Variants in ANKK1 observed in about 807,000 individuals in gnomAD.
The protein encoded by ANKK1 is ankyrin repeat and kinase domain containing 1.
A neutral mutation model predicts 37.6 loss-of-function variants in ANKK1; 37 were observed. The observed-to-expected ratio is 0.98, with a 90% CI of 0.76 to 1.29. ANKK1 has a LOEUF of 1.29. Among genes scored for constraint, ANKK1 ranks in the 50% most tolerant of loss-of-function variants. ANKK1 has a pLI of 0.00. For synonymous variants in ANKK1, 415 were observed against 418.7 expected, an observed-to-expected ratio of 0.99 and a Z score of 0.11; for missense variants, 1,019 against 990.6, an observed-to-expected ratio of 1.03 and a Z score of -0.39.
At chr11:113,396,673 G>A (rs564717313) in intron 5 of ANKK1, among the ~76,000 whole-genome samples, 11 of 152,222 alleles carry the variant, frequency 7.2e-5, no homozygotes, top group South Asian at 2.1e-4. Context: ...TCTGCATCAC[G>A]GGGCTGGGAA....
intron 1 of ANKK1, 54 bp from the exon 2 acceptor site, chr11:113,393,427 G>C: frequency 6.5e-7 from 1 of 1,540,910 alleles, no homozygotes; most frequent in Non-Finnish European, 8.8e-7. Context: ...TCAGCTGGTT[G>C]CTGTAGTAAT....
chr11:113,396,788 G>T (rs1283526571), intron 5 of ANKK1, among the ~76,000 whole-genome samples: 2 of 152,124 alleles, frequency 1.3e-5, no homozygotes, highest in African/African-American at 4.8e-5. Flanking sequence ...GTGCCAAAAG[G>T]CAGAAGCCAC....
chr11:113,395,002 G>A lies in ANKK1; in HGVS notation c.554G>A (p.Arg185Gln), dbSNP rs115800217. Reference protein sequence around the residue: ...RMQYIERSALRGMLSYIPPEM... With the variant: ...RMQYIERSALQGMLSYIPPEM... ...CAGTACATCGAGAGGTCGGCTCTGC[G>A]GGGCATGCTCAGCTACATCCCCCCT... Residue 185 changes from arginine (R) to glutamine (Q), a missense_variant, in exon 3 of 8, where the codon CGG (arginine) becomes CAG (glutamine). Arg to Gln is a conservative substitution (Grantham distance 43, BLOSUM62 1). Coordinates refer to ENST00000303941, the MANE Select transcript of ANKK1 (RefSeq NM_178510.2). The A allele has an allele frequency of 5.4e-3, 8,769 of 1,613,388 alleles. 431 individuals carry two copies. The African/African-American group carries it at 0.1, about 19-fold the overall frequency.
chr11:113,400,032 G>A lies in ANKK1; in HGVS notation c.2063G>A (p.Arg688His), dbSNP rs377621768. The A allele has an allele frequency of 1.8e-5, 29 of 1,613,164 alleles. No individual in the cohort carries two copies. Among genetic ancestry groups the A allele is most frequent in the East Asian group, 6.7e-5 (3 of 44,870 alleles). Residue 688 changes from arginine to histidine, a missense_variant, in exon 8 of 8, where the codon CGC (arginine) becomes CAC (histidine). Arg to His is a conservative substitution (Grantham distance 29, BLOSUM62 0). Transcript: ENST00000303941. ...LLEHHANVHA[R>H]NKVGWTPAHL... ...GAACATCACGCAAATGTCCACGCCCGCAACAAGGTGGGCTGGACACCCGCC... is the reference window on the plus strand; with the variant it reads ...GAACATCACGCAAATGTCCACGCCCACAACAAGGTGGGCTGGACACCCGCC...
Position 113,398,027 on chromosome 11 carries a change from G to T in ANKK1, c.994+11G>T, listed in dbSNP as rs1441663671. ...AACTGATGGACAGTGGTGAGTCTGG[G>T]TGCCACGGGCGGGACCAGAGAACTC... On this transcript the variant is annotated intron_variant, in intron 7 of 7. Coordinates refer to ENST00000303941, the MANE Select transcript of ANKK1 (RefSeq NM_178510.2). 6.4e-7 allele frequency: 1 copy of T among 1,565,072 alleles called. No homozygotes were observed. The highest frequency in any genetic ancestry group is 8.7e-7 in the Non-Finnish European group (1 of 1,154,512).
rs1950635719 is a variant in ANKK1, at chr11:113,396,088, T to C, written c.704T>C (p.Ile235Thr). 2 of 1,613,918 alleles carry C rather than the reference T, an allele frequency of 1.2e-6. No individual in the cohort carries two copies. The highest frequency in any genetic ancestry group is 1.7e-5 in the Admixed American group (1 of 60,006). ...GCAGGGTTCAACATGATGATGATTA[T>C]TATCCGAGTGGCGGCAGGCATGCGG... ...PYSGFNMMMI[I>T]IRVAAGMRPS... The change falls in exon 5 of 8, where the codon ATT becomes ACT. Residue 235 changes from isoleucine (I) to threonine (T), a missense_variant. Transcript: ENST00000303941.
In ANKK1 at chr11:113,395,259, G is replaced by A. The variant is rs1407872315; in HGVS notation, c.633-100G>A. The A allele has an allele frequency of 4.6e-6, 7 of 1,531,934 alleles. No homozygotes were observed. In the African/African-American group the frequency reaches 5.5e-5, roughly 12 times the overall value. The allele number at this position is 1,531,934 out of a possible 1,614,324, so 94.9% of individuals were successfully genotyped here. A position where few individuals can be genotyped will look rare whatever the true frequency, so the allele number is the denominator to read the frequency against. On this transcript the variant is annotated intron_variant, in intron 3 of 7. Coordinates refer to ENST00000303941, the MANE Select transcript of ANKK1 (RefSeq NM_178510.2). ...GTACTTTGGCCGGTGAGGCTTGCCT[G>A]GGACTGTGTGAACTGTAGCCCCCCG...
intron 7 of ANKK1, 34 bp from the exon 8 acceptor site, chr11:113,398,930 G>A (rs772759363): frequency 6.5e-7 from 1 of 1,534,108 alleles, no homozygotes; most frequent in Non-Finnish European, 8.8e-7. Flanking sequence ...CGGGTCACAG[G>A]TCTTTTTTTT....
At chr11:113,396,278 G>A (rs1950638730) in intron 5 of ANKK1, 56 bp downstream of exon 5, 5 of 1,598,304 alleles carry the variant, frequency 3.1e-6, no homozygotes, top group Non-Finnish European at 4.3e-6. Flanking sequence ...GCCGGGAGGG[G>A]AGATGACTGG....
chr11:113,395,986 C>T, intron 4 of ANKK1, 81 bp from the exon 5 acceptor site: 1 of 1,537,930 alleles, frequency 6.5e-7, no homozygotes, highest in Non-Finnish European at 8.9e-7. Context: ...CTGTTGGGAT[C>T]CTCAGAGCCC....
intron 1 of ANKK1, among the ~76,000 whole-genome samples, chr11:113,391,053 T>C (rs1301083605): frequency 2.0e-5 from 3 of 152,216 alleles, no homozygotes; most frequent in African/African-American, 4.8e-5. Context: ...TGTAGACTTC[T>C]CTGTGAAATC....
chr11:113,397,129 T>C (rs2138134744), intron 5 of ANKK1, 95 bp from the exon 6 acceptor site: 1 of 1,021,342 alleles, frequency 9.8e-7, no homozygotes, highest in Non-Finnish European at 1.4e-6. Context: ...GGAATGGATT[T>C]TGGGAGACAG....
At chr11:113,392,235 C>T (rs1342167610) in intron 1 of ANKK1, among the ~76,000 whole-genome samples, 1 of 152,196 alleles carries the variant, frequency 6.6e-6, no homozygotes, top group Admixed American at 6.5e-5. Context: ...ACGGGTGAAA[C>T]TGGGATTTGA....
chr11:113,396,929 C>T (rs1362922123), intron 5 of ANKK1, among the ~76,000 whole-genome samples: 1 of 152,198 alleles, frequency 6.6e-6, no homozygotes, highest in East Asian at 1.9e-4. Context: ...TGAGCTCATC[C>T]AGTCCTTTGG....
At chr11:113,391,218 A>C (rs1950584740) in intron 1 of ANKK1, among the ~76,000 whole-genome samples, 3 of 152,210 alleles carry the variant, frequency 2.0e-5, no homozygotes, top group Admixed American at 6.5e-5. Flanking sequence ...AACAGTGGGA[A>C]GCCCGTGTGC....
chr11:113,391,751 A>C (rs7945132), intron 1 of ANKK1, among the ~76,000 whole-genome samples: 1 of 151,788 alleles, frequency 6.6e-6, no homozygotes, highest in African/African-American at 2.4e-5. Flanking sequence ...ATTGGAGATG[A>C]TGAGGTTGAC....
chr11:113,388,115 C>A (rs1462297993), intron 1 of ANKK1, 46 bp downstream of exon 1: 1 of 1,437,736 alleles, frequency 7.0e-7, no homozygotes, highest in East Asian at 2.6e-5. Flanking sequence ...GAAACTGAGG[C>A]CCGGCAAGCT....
Position 113,395,377 on chromosome 11 carries a change from G to A in ANKK1, c.651G>A (p.Trp217Ter). Residue 217 changes from tryptophan (W) to a stop codon, truncating the protein, a stop_gained, in exon 4 of 8, where the codon TGG (tryptophan) becomes TGA (stop). Transcript: ENST00000303941. LOFTEE classifies it high-confidence loss of function. Reference protein sequence around the residue: ...YDVYSFAIVIWELLTQKKPYS... With the variant: ...YDVYSFAIVI ...TCCACAGCTTTGCAATTGTCATCTG[G>A]GAGCTACTCACTCAGAAGAAACCAT... is the stretch of plus-strand genomic sequence containing the variant. The A allele has an allele frequency of 6.2e-7, 1 of 1,613,914 alleles. No homozygotes were observed.
intron 1 of ANKK1, among the ~76,000 whole-genome samples, chr11:113,391,816 CG>C (rs1301619262): frequency 6.6e-6 from 1 of 151,950 alleles, no homozygotes; most frequent in African/African-American, 2.4e-5. Context: ...GACTAAGCCC[CG>C]TGGTCAAGTA....
Sources: allele counts gnomAD v4.1 joint callset (sites outside exome capture counted in the v4.1 genomes callset), GRCh38; gene constraint gnomAD v4.1.1; transcripts MANE v1.5; gene names NCBI Gene and HGNC (gene_info 2026-07-23, HGNC 2026-07-21).